Variants in L2HGDH observed in about 807,000 individuals in gnomAD.
L2HGDH encodes L-2-hydroxyglutarate dehydrogenase, also known as L-2-hydroxyglutarate dehydrogenase, mitochondrial.
A neutral mutation model predicts 51.5 loss-of-function variants in L2HGDH; 34 were observed. The ratio of observed to expected loss-of-function variants is 0.66; its 90% confidence interval spans 0.50 to 0.88. The LOEUF (loss-of-function observed/expected upper bound fraction) is 0.88, where lower values mean the gene tolerates loss of function less well. Ranked by LOEUF, L2HGDH falls within the 40% of genes least tolerant of loss-of-function variation. The probability of loss-of-function intolerance (pLI) is 0.00; values close to 1 mark genes in which losing one functional copy is unlikely to be tolerated. For synonymous variants in L2HGDH, 198 were observed against 197.9 expected (o/e 1.00, Z -0.01); for missense variants, 558 against 571.9 (o/e 0.98, Z 0.25).
intron 9 of L2HGDH, among the ~76,000 whole-genome samples, chr14:50,259,873 A>G (rs1888912912): frequency 6.9e-6 from 1 of 145,334 alleles, no homozygotes; most frequent in South Asian, 2.4e-4. Flanking sequence ...ATAATTGCTT[A>G]GTGTCAGTAG....
chr14:50,306,284 C>T (rs530957994), intron 1 of L2HGDH, among the ~76,000 whole-genome samples: 14 of 152,058 alleles, frequency 9.2e-5, no homozygotes, highest in African/African-American at 3.1e-4. Context: ...CTCTTGACCT[C>T]GTGATCCGCC....
chr14:50,311,935 G>C, intron 1 of L2HGDH, 76 bp downstream of exon 1: 18 of 1,525,612 alleles, frequency 1.2e-5, no homozygotes, highest in Non-Finnish European at 1.6e-5. Flanking sequence ...AATACGAACA[G>C]GGGCACAGGT....
intron 9 of L2HGDH, among the ~76,000 whole-genome samples, chr14:50,260,682 T>C (rs1357961948): frequency 6.6e-6 from 1 of 152,142 alleles, no homozygotes; most frequent in Non-Finnish European, 1.5e-5. Flanking sequence ...TACTATTTTG[T>C]AGTGTGAAGG....
intron 9 of L2HGDH, among the ~76,000 whole-genome samples, chr14:50,262,592 C>A (rs1889096517): frequency 6.6e-6 from 1 of 151,818 alleles, no homozygotes; most frequent in Non-Finnish European, 1.5e-5. Context: ...CTCTCAAGAT[C>A]CCATTCTCTT....
At chr14:50,294,080 C>T in intron 4 of L2HGDH, 35 bp downstream of exon 4, 1 of 1,610,930 alleles carries the variant, frequency 6.2e-7, no homozygotes, top group South Asian at 1.1e-5. Flanking sequence ...CAGGACTAAG[C>T]CCTAAATAAA....
rs112116045 is a variant in L2HGDH, at chr14:50,298,215, G to A, written c.408+3802C>T. On this transcript the variant is annotated intron_variant, in intron 3 of 9. Transcript: ENST00000267436. The stretch of plus-strand genomic sequence containing the variant: ...GCTGAGATGGCACCATTGCACTCCA[G>A]GCTGGGTAACAGCAAGACTCTGTCT... Among the ~76,000 whole-genome samples the A allele has an allele frequency of 7.3e-3, 1,112 of 151,586 alleles. 15 individuals are homozygous for A. The highest frequency in any genetic ancestry group is 0.025 in the African/African-American group (1,019 of 41,280).
chr14:50,277,201 T>G (rs1247702514), intron 6 of L2HGDH, among the ~76,000 whole-genome samples: 4 of 127,552 alleles, frequency 3.1e-5, no homozygotes, highest in African/African-American at 1.0e-4. Context: ...AGACTGTTTT[T>G]TTTTTGTTTT....
At chr14:50,311,934 A>T (rs1032818300) in intron 1 of L2HGDH, 77 bp downstream of exon 1, 5 of 1,523,242 alleles carry the variant, frequency 3.3e-6, no homozygotes, top group Admixed American at 3.9e-5. Context: ...AAATACGAAC[A>T]GGGGCACAGG....
rs953443544 is a variant in L2HGDH, at chr14:50,245,399, A to G, written c.*1659T>C. The G allele has an allele frequency of 3.0e-6, 3 of 985,248 alleles. No homozygotes were observed. The South Asian group carries it at 1.4e-4, about 46-fold the overall frequency. The allele number at this position is 985,248 out of a possible 1,614,324, so 61.0% of individuals were successfully genotyped here. ...ACAGAGATTGAAGAACAGGACAACC[A>G]CTCAGTGTACCACTGTTTAGATTTC... On this transcript the variant is annotated 3_prime_UTR_variant, in exon 10 of 10. Transcript: ENST00000267436.
Position 50,312,068 on chromosome 14 carries a change from C to A in L2HGDH, c.83G>T (p.Gly28Val), listed in dbSNP as rs751365583. The change falls in exon 1 of 10, where the codon GGG becomes GTG. Residue 28 changes from glycine (G) to valine (V), a missense_variant. Physicochemically the swap from Gly to Val is moderately radical, Grantham distance 109 (BLOSUM62 -3). Around this residue, in one of 3 missense-constraint regions of L2HGDH, gnomAD observed 194 missense variants for 187.2 expected, o/e 1.04. Coordinates refer to ENST00000267436, the MANE Select transcript of L2HGDH (RefSeq NM_024884.3). The part of the protein sequence containing the change: ...LFAGGSPGAC[G>V]FASGRPRPLC... Reference sequence around the variant, plus strand: ...CGGTCTTGGCCTCCCAGACGCGAACCCGCACGCCCCAGGGGAGCCACCGGC... The same window carrying A: ...CGGTCTTGGCCTCCCAGACGCGAACACGCACGCCCCAGGGGAGCCACCGGC... The A allele has an allele frequency of 1.3e-6, 2 of 1,599,978 alleles. No homozygotes were observed. Among genetic ancestry groups the A allele is most frequent in the South Asian group, 2.2e-5 (2 of 89,332 alleles).
At chr14:50,284,785 C>T (rs1478483847) in intron 4 of L2HGDH, among the ~76,000 whole-genome samples, 10 of 152,174 alleles carry the variant, frequency 6.6e-5, no homozygotes, top group African/African-American at 2.4e-4. Context: ...AACATCCAGA[C>T]GGTGAGTGCT....
rs931084605 is a variant in L2HGDH, at chr14:50,254,875, C to T, written c.1197-7622G>A. Among the ~76,000 whole-genome samples the T allele has an allele frequency of 8.2e-4, 123 of 150,780 alleles. 1 individual carries two copies. The highest frequency in any genetic ancestry group is 2.8e-3 in the African/African-American group (113 of 41,054). ...GCAACATGGTGAAATCCCATATATA[C>T]GAGAAAAAAAAAATCAATCAGGCGT... On this transcript the variant is annotated intron_variant, in intron 9 of 9. Transcript: ENST00000267436.
At chr14:50,250,784 G>A (rs536169866) in intron 9 of L2HGDH, among the ~76,000 whole-genome samples, 4 of 152,328 alleles carry the variant, frequency 2.6e-5, no homozygotes, top group African/African-American at 9.6e-5. Context: ...GAATTCTTCT[G>A]GATCTTATCC....
intron 7 of L2HGDH, 148 bp from the exon 8 acceptor site, chr14:50,268,058 T>C: frequency 1.2e-6 from 1 of 831,186 alleles, no homozygotes; most frequent in Non-Finnish European, 2.0e-6. Flanking sequence ...TCCATTAACA[T>C]GCTTCTGCTT....
chr14:50,289,120 C>T (rs971502822), intron 4 of L2HGDH, among the ~76,000 whole-genome samples: 7 of 152,156 alleles, frequency 4.6e-5, no homozygotes, highest in Non-Finnish European at 8.8e-5. Context: ...TAACAGCCTC[C>T]TAATTTCTTA....
At chr14:50,297,609 A>C (rs1359437542) in intron 3 of L2HGDH, among the ~76,000 whole-genome samples, 1 of 152,226 alleles carries the variant, frequency 6.6e-6, no homozygotes. Flanking sequence ...ACAGCTACAG[A>C]ATATATATTC....
At chr14:50,260,596 G>A (rs1888961977) in intron 9 of L2HGDH, among the ~76,000 whole-genome samples, 1 of 151,864 alleles carries the variant, frequency 6.6e-6, no homozygotes, top group South Asian at 2.1e-4. Context: ...TTTTGCTCTG[G>A]GATGCCCCTT....
rs141017067 is a variant in L2HGDH, at chr14:50,265,349, T to A, written c.1196+9A>T. On this transcript the variant is annotated intron_variant, in intron 9 of 9. Coordinates refer to ENST00000267436, the MANE Select transcript of L2HGDH (RefSeq NM_024884.3). ...GACTGTATTTACACTCCTTATCCCT[T>A]TTCCTTACCTAAGTATATCACTGAT... 1.2e-6 allele frequency: 2 copies of A among 1,609,186 alleles called. No homozygotes were observed. The highest frequency in any genetic ancestry group is 2.7e-5 in the African/African-American group (2 of 74,980).
At chr14:50,276,626 T>A (rs73275194) in intron 6 of L2HGDH, among the ~76,000 whole-genome samples, 1 of 152,250 alleles carries the variant, frequency 6.6e-6, no homozygotes, top group Non-Finnish European at 1.5e-5. Flanking sequence ...CCCAAGATCA[T>A]GCGCTCTCTT....
Sources: gnomAD v4.1 joint callset for allele counts (sites outside exome capture counted in the v4.1 genomes callset) on GRCh38, gnomAD v4.1.1 for gene constraint, gnomAD v4.1.1 regional missense constraint, MANE v1.5 for transcripts, NCBI Gene and HGNC (gene_info 2026-07-23, HGNC 2026-07-21) for gene names.